Variants in GABBR2 observed in about 807,000 individuals in gnomAD.
GABBR2 encodes the protein G-protein coupled receptor 51.
In GABBR2, 23 loss-of-function variants were observed where a neutral mutation model predicts 105.6. The ratio of observed to expected loss-of-function variants is 0.22; its 90% CI spans 0.16 to 0.31. The LOEUF is 0.31. Among genes scored for constraint, GABBR2 ranks in the 10% least tolerant of loss-of-function variants. The probability of loss-of-function intolerance (pLI) is 1.00; values close to 1 mark genes in which losing one functional copy is unlikely to be tolerated. For synonymous variants in GABBR2, 478 were observed against 499.7 expected (o/e 0.96, Z 0.58); for missense variants, 734 against 1,245.5 (o/e 0.59, Z 6.18).
chr9:98,499,498 A>AGTC (rs1168053086), intron 3 of GABBR2, among the ~76,000 whole-genome samples: 2 of 152,218 alleles, frequency 1.3e-5, no homozygotes, highest in African/African-American at 4.8e-5. Flanking sequence ...AGCACCAAGG[A>AGTC]GTCTATGCTC....
rs904285460 is a variant in GABBR2, at chr9:98,413,884, T to A, written c.1237-7743A>T. Among the ~76,000 whole-genome samples the A allele has an allele frequency of 2.0e-5, 3 of 152,224 alleles. No homozygotes were observed. In the East Asian group the frequency reaches 5.8e-4, roughly 29 times the overall value. On this transcript the variant is annotated intron_variant, in intron 7 of 18. Coordinates refer to ENST00000259455, the MANE Select transcript of GABBR2 (RefSeq NM_005458.8). ...ACTTATTATAATAAGAGAGTCAGGC[T>A]TATTTAGAACAACAAAATATCAGGT...
chr9:98,461,998 C>T (rs1953087), intron 6 of GABBR2, among the ~76,000 whole-genome samples: 69,799 of 152,086 alleles, frequency 0.46, 16,563 homozygotes, highest in Middle Eastern at 0.53. Context: ...CATCACTTCT[C>T]ACCAGGCCCT....
intron 4 of GABBR2, among the ~76,000 whole-genome samples, chr9:98,485,121 T>C (rs1025061905): frequency 3.9e-5 from 6 of 152,154 alleles, no homozygotes; most frequent in Non-Finnish European, 8.8e-5. Context: ...TTCCAGGGAC[T>C]TGGCTCTGCA....
At chr9:98,332,587 C>T (rs539731161) in intron 13 of GABBR2, among the ~76,000 whole-genome samples, 14 of 152,282 alleles carry the variant, frequency 9.2e-5, no homozygotes, top group South Asian at 2.1e-4. Flanking sequence ...TTACAGATGC[C>T]GCACTGTTCC....
At chr9:98,385,563 G>T in intron 11 of GABBR2, 77 bp downstream of exon 11, 1 of 1,168,210 alleles carries the variant, frequency 8.6e-7, no homozygotes. Context: ...TTCTGGGTTT[G>T]CATCTGTGTT....
chr9:98,508,298 C>T (rs1437590458), intron 3 of GABBR2, among the ~76,000 whole-genome samples: 6 of 152,268 alleles, frequency 3.9e-5, no homozygotes, highest in East Asian at 1.9e-4. Flanking sequence ...CCAAGATGGC[C>T]GAATAGGAAC....
chr9:98,372,505 G>A lies in GABBR2; in HGVS notation c.1663-934C>T, dbSNP rs1159183943. Among the ~76,000 whole-genome samples, 4 of 152,242 alleles carry A rather than the reference G, an allele frequency of 2.6e-5. No individual in the cohort carries two copies. The East Asian group carries it at 7.7e-4, about 29-fold the overall frequency. On this transcript the variant is annotated intron_variant, in intron 11 of 18. Transcript: ENST00000259455. ...CTGTTGAGCTTAGTTTCCTTTGAAA[G>A]GTTCCAACCTGCCTTGGCTGAACAC...
At chr9:98,589,787 T>G (rs1275828121) in intron 1 of GABBR2, among the ~76,000 whole-genome samples, 2 of 149,924 alleles carry the variant, frequency 1.3e-5, no homozygotes, top group South Asian at 4.3e-4. Context: ...CCATCATGGC[T>G]CACAGCAGCC....
chr9:98,471,346 T>C (rs1424385555), intron 6 of GABBR2, among the ~76,000 whole-genome samples: 1 of 152,210 alleles, frequency 6.6e-6, no homozygotes, highest in Non-Finnish European at 1.5e-5. Flanking sequence ...AGTCCCAAGG[T>C]GTCCCATGCA....
At chr9:98,298,594 A>G (rs1353458259) in intron 17 of GABBR2, among the ~76,000 whole-genome samples, 1 of 152,204 alleles carries the variant, frequency 6.6e-6, no homozygotes, top group Non-Finnish European at 1.5e-5. Flanking sequence ...TTTTTTCTAA[A>G]AGGTAGGCAA....
At chr9:98,475,970 A>G (rs1323588967) in intron 5 of GABBR2, among the ~76,000 whole-genome samples, 2 of 152,204 alleles carry the variant, frequency 1.3e-5, no homozygotes, top group Admixed American at 6.5e-5. Flanking sequence ...AGGCTGAGGC[A>G]GGAGAATTGC....
At chr9:98,545,203 T>C (rs1345174395) in intron 2 of GABBR2, among the ~76,000 whole-genome samples, 1 of 152,180 alleles carries the variant, frequency 6.6e-6, no homozygotes. Context: ...GTAATTACCG[T>C]GGTTACTGTT....
intron 7 of GABBR2, among the ~76,000 whole-genome samples, chr9:98,429,121 GGTGTGTGTGTGTGTGT>G (rs56248488): frequency 1.1e-4 from 16 of 145,482 alleles, no homozygotes; most frequent in African/African-American, 2.5e-4. Context: ...CCAGGTTTTT[GGTGTGTGTGTGTGTGT>G]GTGTGTGTGT....
intron 7 of GABBR2, among the ~76,000 whole-genome samples, chr9:98,452,007 G>A (rs892325817): frequency 3.3e-5 from 5 of 152,200 alleles, no homozygotes; most frequent in African/African-American, 4.8e-5. Context: ...GGCTCAAATA[G>A]TTTCTCCCAC....
intron 13 of GABBR2, among the ~76,000 whole-genome samples, chr9:98,360,954 C>T (rs1407998131): frequency 6.6e-6 from 1 of 152,190 alleles, no homozygotes. Flanking sequence ...CTCGTTCTGT[C>T]CACCTGGTCC....
chr9:98,497,177 G>A (rs1466768297), intron 3 of GABBR2, among the ~76,000 whole-genome samples: 1 of 152,174 alleles, frequency 6.6e-6, no homozygotes, highest in African/African-American at 2.4e-5. Flanking sequence ...CAAGACGGGG[G>A]GCTTGCTTGA....
At chr9:98,560,719 C>T (rs1438467613) in intron 2 of GABBR2, among the ~76,000 whole-genome samples, 1 of 148,954 alleles carries the variant, frequency 6.7e-6, no homozygotes, top group Non-Finnish European at 1.5e-5. Flanking sequence ...CTGCTTTCCT[C>T]TCTCTCTTTT....
intron 7 of GABBR2, among the ~76,000 whole-genome samples, chr9:98,451,479 T>C (rs1826228260): frequency 6.6e-6 from 1 of 152,194 alleles, no homozygotes; most frequent in Non-Finnish European, 1.5e-5. Flanking sequence ...TTGGGGATTT[T>C]GGAAATCGAC....
At chr9:98,352,922 G>C (rs1343494409) in intron 13 of GABBR2, among the ~76,000 whole-genome samples, 2 of 152,090 alleles carry the variant, frequency 1.3e-5, no homozygotes, top group African/African-American at 4.8e-5. Context: ...ATAGATGTAG[G>C]GGCTTTTGGG....
Sources: allele counts gnomAD v4.1 joint callset (sites outside exome capture counted in the v4.1 genomes callset), GRCh38; gene constraint gnomAD v4.1.1; transcripts MANE v1.5; gene names NCBI Gene and HGNC (gene_info 2026-07-23, HGNC 2026-07-21).